The following NLGN1 variants were observed in gnomAD, a reference collection of about 807,000 sequenced individuals.
NLGN1 encodes neuroligin-1.
In NLGN1, 12 loss-of-function variants were observed where a neutral mutation model predicts 65.5. The observed-to-expected ratio is 0.18, with a 90% CI of 0.12 to 0.30. The LOEUF (loss-of-function observed/expected upper bound fraction) is 0.30. NLGN1 is among the 10% of genes least tolerant of loss of function. NLGN1 has a pLI of 1.00. For synonymous variants in NLGN1, 350 were observed against 359.5 expected (o/e 0.97, Z 0.30); for missense variants, 750 against 1,007.1 (o/e 0.74, Z 3.46).
At chr3:173,989,686 G>T (rs1720690645) in intron 4 of NLGN1, among the ~76,000 whole-genome samples, 1 of 152,124 alleles carries the variant, frequency 6.6e-6, no homozygotes, top group Non-Finnish European at 1.5e-5. Context: ...AGACTCATGG[G>T]TTGCAGTCTT....
At chr3:173,995,244 G>A (rs747318812) in intron 4 of NLGN1, among the ~76,000 whole-genome samples, 1 of 152,174 alleles carries the variant, frequency 6.6e-6, no homozygotes, top group South Asian at 2.1e-4. Context: ...AGAGCCAGGG[G>A]CCTCAAGCCT....
intron 4 of NLGN1, among the ~76,000 whole-genome samples, chr3:173,873,069 G>T (rs1578910249): frequency 6.6e-6 from 1 of 151,838 alleles, no homozygotes. Context: ...CTTGCTAAAT[G>T]CAGGGATGCA....
At chr3:173,584,706 A>C (rs1469724416) in intron 2 of NLGN1, 1 of 148,946 alleles carries the variant, frequency 6.7e-6, no homozygotes, top group Non-Finnish European at 1.5e-5. Context: ...GGTCCCCAGG[A>C]TTCTGGATCG....
intron 4 of NLGN1, among the ~76,000 whole-genome samples, chr3:174,051,116 T>C (rs1461985883): frequency 1.3e-5 from 2 of 152,100 alleles, no homozygotes; most frequent in African/African-American, 2.4e-5. Flanking sequence ...TTCCAGGTGC[T>C]ATTACATTAA....
intron 2 of NLGN1, among the ~76,000 whole-genome samples, chr3:173,578,210 T>C (rs971728346): frequency 7.2e-5 from 10 of 139,562 alleles, no homozygotes; most frequent in Admixed American, 6.1e-4. Context: ...CACTCCAGCC[T>C]GGGCGACAGG....
At chr3:173,877,333 G>T (rs946181460) in intron 4 of NLGN1, among the ~76,000 whole-genome samples, 1 of 151,950 alleles carries the variant, frequency 6.6e-6, no homozygotes, top group South Asian at 2.1e-4. Context: ...ATTGTGGGAC[G>T]GTCCATGAAA....
At chr3:174,156,695 A>G (rs952913509) in intron 4 of NLGN1, among the ~76,000 whole-genome samples, 3 of 151,806 alleles carry the variant, frequency 2.0e-5, no homozygotes, top group African/African-American at 7.2e-5. Context: ...TACAGTTTGT[A>G]GTGTGCAAAT....
intron 4 of NLGN1, among the ~76,000 whole-genome samples, chr3:173,814,679 C>T (rs1465111429): frequency 6.6e-6 from 1 of 152,142 alleles, no homozygotes; most frequent in Non-Finnish European, 1.5e-5. Flanking sequence ...CATTTATTCC[C>T]TTATTCTCTA....
intron 3 of NLGN1, among the ~76,000 whole-genome samples, chr3:173,790,645 A>T (rs2029337): frequency 0.71 from 108,487 of 151,964 alleles, 39,202 homozygotes; most frequent in Non-Finnish European, 0.76. Flanking sequence ...TCTTCTTTTT[A>T]AAGTGCATAT....
chr3:173,749,102 G>A (rs1249858934), intron 3 of NLGN1, among the ~76,000 whole-genome samples: 1 of 151,982 alleles, frequency 6.6e-6, no homozygotes, highest in African/African-American at 2.4e-5. Context: ...GAAAATATAA[G>A]GCAGAGAACC....
chr3:173,549,293 A>G (rs1379922419), intron 2 of NLGN1, among the ~76,000 whole-genome samples: 2 of 151,976 alleles, frequency 1.3e-5, no homozygotes, highest in Non-Finnish European at 2.9e-5. Context: ...TGTTATTACA[A>G]CATATTTACA....
At chr3:174,049,009 A>AAGATGGGT (rs1734226411) in intron 4 of NLGN1, among the ~76,000 whole-genome samples, 1 of 152,072 alleles carries the variant, frequency 6.6e-6, no homozygotes, top group Non-Finnish European at 1.5e-5. Flanking sequence ...ATCTTTGGTA[A>AAGATGGGT]AGATGGGTTA....
chr3:173,777,672 T>C (rs1780520049), intron 3 of NLGN1, among the ~76,000 whole-genome samples: 1 of 151,046 alleles, frequency 6.6e-6, no homozygotes, highest in Non-Finnish European at 1.5e-5. Context: ...TATCTATCTA[T>C]CTATCCATCC....
intron 4 of NLGN1, among the ~76,000 whole-genome samples, chr3:173,890,074 A>G (rs1045066043): frequency 4.6e-5 from 7 of 152,028 alleles, no homozygotes; most frequent in African/African-American, 9.7e-5. Flanking sequence ...TGACCCAGTA[A>G]TCATTTTCTG....
intron 2 of NLGN1, among the ~76,000 whole-genome samples, chr3:173,470,610 A>G (rs1725158306): frequency 6.6e-6 from 1 of 152,070 alleles, no homozygotes; most frequent in South Asian, 2.1e-4. Flanking sequence ...AATGAGAATA[A>G]TAATAATACA....
intron 3 of NLGN1, among the ~76,000 whole-genome samples, chr3:173,708,270 C>T (rs1560209919): frequency 1.3e-5 from 2 of 152,146 alleles, no homozygotes. Context: ...ATTTGGAATC[C>T]TCTGACCCTT....
intron 4 of NLGN1, among the ~76,000 whole-genome samples, chr3:174,274,962 C>T (rs555388282): frequency 6.6e-6 from 1 of 151,818 alleles, no homozygotes; most frequent in East Asian, 1.9e-4. Context: ...CTGCAAGATA[C>T]ACGTTCACAT....
chr3:173,418,958 T>C (rs1402619617), intron 1 of NLGN1, among the ~76,000 whole-genome samples: 8 of 147,536 alleles, frequency 5.4e-5, no homozygotes, highest in African/African-American at 2.0e-4. Flanking sequence ...GTAAACTTCC[T>C]TAAAATATGA....
intron 4 of NLGN1, among the ~76,000 whole-genome samples, chr3:174,123,307 A>G (rs369680095): frequency 6.6e-6 from 1 of 152,160 alleles, no homozygotes; most frequent in Non-Finnish European, 1.5e-5. Context: ...GTGAATTACA[A>G]AAGAGACAGC....
Sources: allele counts gnomAD v4.1 joint callset (sites outside exome capture counted in the v4.1 genomes callset), GRCh38; gene constraint gnomAD v4.1.1; transcripts MANE v1.5; gene names NCBI Gene and HGNC (gene_info 2026-07-23, HGNC 2026-07-21).